Variants in PCDHA11 observed in about 807,000 individuals in gnomAD.
PCDHA11 encodes the protein protocadherin alpha 11, also known as protocadherin alpha-11.
In PCDHA11, 61 loss-of-function variants were observed where a neutral mutation model predicts 70.3. The ratio of observed to expected loss-of-function variants is 0.87; its 90% CI spans 0.71 to 1.07. The LOEUF (loss-of-function observed/expected upper bound fraction) is 1.07, where lower values mean the gene tolerates loss of function less well. Among genes scored for constraint, PCDHA11 ranks in the 50% least tolerant of loss-of-function variants. The pLI is 0.00. For missense variants in PCDHA11, 1,324 were observed against 1,237.5 expected (o/e 1.07, Z -1.05); for synonymous variants, 633 against 555.1 (o/e 1.14, Z -1.97).
intron 3 of PCDHA11, among the ~76,000 whole-genome samples, chr5:140,984,112 A>G (rs2097087288): frequency 6.6e-6 from 1 of 152,244 alleles, no homozygotes; most frequent in Admixed American, 6.5e-5. Flanking sequence ...GTGGTTTTAG[A>G]CTGCCAAGTG....
In PCDHA11 at chr5:140,982,522, G is replaced by A; in HGVS notation, c.2498G>A (p.Gly833Glu). Residue 833 changes from glycine to glutamate, a missense_variant, in exon 3 of 4, where the codon GGG (glycine) becomes GAG (glutamate). Coordinates refer to ENST00000398640, the MANE Select transcript of PCDHA11 (RefSeq NM_018902.5). ...GGCATTCTACGGGCTGGTCCAGGAG[G>A]GCCTGATCAGCAGTGGCCAACAGTA... ...EAGILRAGPG[G>E]PDQQWPTVSS... 2.5e-6 allele frequency: 4 copies of A among 1,614,182 alleles called. No homozygotes were observed. Among genetic ancestry groups the A allele is most frequent in the Non-Finnish European group, 3.4e-6 (4 of 1,180,032 alleles).
chr5:140,869,639 C>T lies in PCDHA11; in HGVS notation c.536C>T (p.Ser179Phe). 1 of 1,613,534 alleles carries T rather than the reference C, an allele frequency of 6.2e-7. No homozygotes were observed. The highest frequency in any genetic ancestry group is 8.5e-7 in the Non-Finnish European group (1 of 1,179,860). ...TYRLSKNEYFSLDSPTNGKQI... is the reference protein window; with the variant it reads ...TYRLSKNEYFFLDSPTNGKQI... ...AGGCTAAGTAAAAATGAGTATTTTT[C>T]TTTAGATTCACCAACAAATGGTAAG... The change falls in exon 1 of 4, where the codon TCT becomes TTT. Residue 179 changes from serine (S) to phenylalanine (F), a missense_variant. Ser to Phe is a radical substitution (Grantham distance 155). Transcript: ENST00000398640.
At chr5:140,935,358 A>C (rs2090329846) in intron 1 of PCDHA11, among the ~76,000 whole-genome samples, 1 of 152,220 alleles carries the variant, frequency 6.6e-6, no homozygotes, top group East Asian at 1.9e-4. Context: ...CCCAGTTTTC[A>C]TTAACGTCAA....
chr5:140,978,688 G>A (rs1258023605), intron 1 of PCDHA11, among the ~76,000 whole-genome samples: 2 of 152,238 alleles, frequency 1.3e-5, no homozygotes, highest in African/African-American at 4.8e-5. Context: ...TATTGGGCAA[G>A]GCAAAGCCAA....
At chr5:140,936,419 TTTAA>T (rs1159041231) in intron 1 of PCDHA11, among the ~76,000 whole-genome samples, 4 of 152,184 alleles carry the variant, frequency 2.6e-5, no homozygotes, top group Non-Finnish European at 5.9e-5. Context: ...TGTTACTAAT[TTTAA>T]TTAATTTAAG....
At position 141,010,421 on chromosome 5, in the gene PCDHA11, A is replaced by T. The variant is rs1486731012; in HGVS notation, c.*484A>T. The T allele has an allele frequency of 8.7e-7, 1 of 1,148,142 alleles. No homozygotes were observed. Among genetic ancestry groups the T allele is most frequent in the Admixed American group, 2.9e-5 (1 of 34,726 alleles). The allele number at this position is 1,148,142 out of a possible 1,614,324, so 71.1% of individuals were successfully genotyped here. A position where few individuals can be genotyped will look rare whatever the true frequency, so the allele number is the denominator to read the frequency against. ...CAGCTTAGACTAATTGGTACAAGGAAGGCAAGAAAACAAAGACAAATAAAC... is the reference window on the plus strand; with the variant it reads ...CAGCTTAGACTAATTGGTACAAGGATGGCAAGAAAACAAAGACAAATAAAC... On this transcript the variant is annotated 3_prime_UTR_variant, in exon 4 of 4. Coordinates refer to ENST00000398640, the MANE Select transcript of PCDHA11 (RefSeq NM_018902.5).
chr5:140,926,755 T>G, intron 1 of PCDHA11: 4 of 1,282,566 alleles, frequency 3.1e-6, no homozygotes, highest in Non-Finnish European at 4.0e-6. Context: ...CGGCGGTCGC[T>G]GAGTATCCAG....
intron 1 of PCDHA11, chr5:140,928,771 A>C: frequency 6.2e-7 from 1 of 1,613,998 alleles, no homozygotes; most frequent in Non-Finnish European, 8.5e-7. Context: ...AGTTCTTCCC[A>C]CTGATGCAGT....
chr5:140,958,137 A>G (rs1237826000), intron 1 of PCDHA11, among the ~76,000 whole-genome samples: 2 of 152,112 alleles, frequency 1.3e-5, no homozygotes, highest in Admixed American at 6.6e-5. Flanking sequence ...ATCAGTGTGT[A>G]TATTTATATA....
At chr5:140,997,566 T>G (rs1366934494) in intron 3 of PCDHA11, among the ~76,000 whole-genome samples, 1 of 152,208 alleles carries the variant, frequency 6.6e-6, no homozygotes, top group Non-Finnish European at 1.5e-5. Context: ...AACTGTCATA[T>G]GTGTGGTCCG....
intron 3 of PCDHA11, among the ~76,000 whole-genome samples, chr5:141,007,365 A>G (rs1027558453): frequency 6.7e-6 from 1 of 149,886 alleles, no homozygotes; most frequent in African/African-American, 2.5e-5. Context: ...AGCCTGGGCA[A>G]CATGATGGAA....
Position 140,995,490 on chromosome 5 carries a change from A to C in PCDHA11, c.2539+12927A>C, listed in dbSNP as rs181247682. Among the ~76,000 whole-genome samples the C allele has an allele frequency of 2.7e-3, 416 of 152,304 alleles. 1 individual carries two copies. The highest frequency in any genetic ancestry group is 4.2e-3 in the Non-Finnish European group (283 of 68,028). ...ATTTTTCATTTAATATTTTCAGACT[A>C]AGGTTGACTGTGGGTAACTGAAGCC... is the stretch of plus-strand genomic sequence containing the variant. On this transcript the variant is annotated intron_variant, in intron 3 of 3. Transcript: ENST00000398640.
chr5:140,903,642 A>G (rs1583499752), intron 1 of PCDHA11, among the ~76,000 whole-genome samples: 2 of 152,374 alleles, frequency 1.3e-5, no homozygotes, highest in East Asian at 3.8e-4. Context: ...CATATACCAT[A>G]TACATATATT....
intron 1 of PCDHA11, among the ~76,000 whole-genome samples, chr5:140,898,431 A>G (rs1482364069): frequency 6.6e-6 from 1 of 152,182 alleles, no homozygotes; most frequent in East Asian, 1.9e-4. Context: ...TCCCAGCACC[A>G]TTTATTAAAT....
rs550398364 is a variant in PCDHA11, at chr5:140,897,290, G to A, written c.2391+25796G>A. Among the ~76,000 whole-genome samples the A allele has an allele frequency of 1.2e-4, 18 of 150,778 alleles. No homozygotes were observed. In the East Asian group the frequency reaches 1.4e-3, roughly 11 times the overall value. On this transcript the variant is annotated intron_variant, in intron 1 of 3. Coordinates refer to ENST00000398640, the MANE Select transcript of PCDHA11 (RefSeq NM_018902.5). ...GCTGGTGTGCTGCACCCATTAACTC[G>A]TCATTTAGCATTAGGTATATCTCCT...
chr5:140,892,185 C>T (rs569665979), intron 1 of PCDHA11, among the ~76,000 whole-genome samples: 1 of 152,254 alleles, frequency 6.6e-6, no homozygotes, highest in East Asian at 1.9e-4. Flanking sequence ...CCTCATGGGT[C>T]TATTCCTGTG....
At chr5:140,908,248 C>G (rs2073877594) in intron 1 of PCDHA11, among the ~76,000 whole-genome samples, 2 of 152,154 alleles carry the variant, frequency 1.3e-5, no homozygotes, top group South Asian at 4.1e-4. Context: ...TCCTCATCAA[C>G]TGATCATAGG....
intron 3 of PCDHA11, among the ~76,000 whole-genome samples, chr5:141,009,288 C>G (rs373954362): frequency 6.6e-6 from 1 of 152,068 alleles, no homozygotes; most frequent in African/African-American, 2.4e-5. Flanking sequence ...GATCCCATTT[C>G]TATAAAATTT....
intron 1 of PCDHA11, among the ~76,000 whole-genome samples, chr5:140,916,649 G>A (rs1331435832): frequency 6.6e-6 from 1 of 152,166 alleles, no homozygotes; most frequent in Non-Finnish European, 1.5e-5. Flanking sequence ...TGGCTGAGCT[G>A]GTATCCAAGA....
Sources: allele counts gnomAD v4.1 joint callset (sites outside exome capture counted in the v4.1 genomes callset), GRCh38; gene constraint gnomAD v4.1.1; transcripts MANE v1.5; gene names NCBI Gene and HGNC (gene_info 2026-07-23, HGNC 2026-07-21).